Variants in CNTN6 observed in about 807,000 individuals in gnomAD.
CNTN6 encodes contactin 6, also known as contactin-6.
In CNTN6, 137 loss-of-function variants were observed where a neutral mutation model predicts 122.8. That is an observed-to-expected ratio of 1.12 (90% CI 0.97 to 1.29). The LOEUF is 1.29. Among genes scored for constraint, CNTN6 ranks in the 50% most tolerant of loss-of-function variants. CNTN6 has a pLI of 0.00. For missense variants in CNTN6, 1,634 were observed against 1,223.4 expected (o/e 1.34, Z -5.01); for synonymous variants, 570 against 426.0 (o/e 1.34, Z -4.16).
chr3:1,114,160 C>A (rs971549739), intron 1 of CNTN6, among the ~76,000 whole-genome samples: 1 of 152,106 alleles, frequency 6.6e-6, no homozygotes, highest in African/African-American at 2.4e-5. Flanking sequence ...CCATTATAAT[C>A]GCAGACTTTG....
intron 1 of CNTN6, among the ~76,000 whole-genome samples, chr3:1,134,794 G>T (rs2092430585): frequency 6.6e-6 from 1 of 152,070 alleles, no homozygotes; most frequent in Non-Finnish European, 1.5e-5. Flanking sequence ...TACAAAAGCA[G>T]GGTACTATTT....
At chr3:1,142,876 G>A (rs2092640024) in intron 1 of CNTN6, among the ~76,000 whole-genome samples, 3 of 150,964 alleles carry the variant, frequency 2.0e-5, no homozygotes. Context: ...AAATTTGTGT[G>A]TACAAATTTA....
At chr3:1,307,990 G>C (rs966565712) in intron 7 of CNTN6, among the ~76,000 whole-genome samples, 1 of 152,098 alleles carries the variant, frequency 6.6e-6, no homozygotes, top group Non-Finnish European at 1.5e-5. Flanking sequence ...CTTTGGAAAT[G>C]GGTGACTATG....
intron 19 of CNTN6, 103 bp from the exon 20 acceptor site, chr3:1,385,508 T>C: frequency 4.7e-6 from 4 of 845,054 alleles, no homozygotes; most frequent in Non-Finnish European, 7.2e-6. Flanking sequence ...TACTTCTGTC[T>C]TCTTCCCATA....
chr3:1,382,810 T>G (rs574529507), intron 17 of CNTN6, 132 bp from the exon 18 acceptor site: 1 of 629,966 alleles, frequency 1.6e-6, no homozygotes. Context: ...AAGTGTTTTT[T>G]AATACATCAT....
At chr3:1,315,810 A>T (rs1271624815) in intron 7 of CNTN6, among the ~76,000 whole-genome samples, 3 of 151,910 alleles carry the variant, frequency 2.0e-5, no homozygotes, top group African/African-American at 7.2e-5. Context: ...ACTATGATCA[A>T]GGTTGTATCT....
chr3:1,201,604 T>A (rs1466861547), intron 2 of CNTN6, among the ~76,000 whole-genome samples: 1 of 152,118 alleles, frequency 6.6e-6, no homozygotes, highest in Non-Finnish European at 1.5e-5. Flanking sequence ...CAACATCAAT[T>A]CCCTTATATC....
intron 5 of CNTN6, among the ~76,000 whole-genome samples, chr3:1,294,276 GA>G (rs1423796751): frequency 1.3e-5 from 2 of 152,134 alleles, no homozygotes; most frequent in African/African-American, 2.4e-5. Flanking sequence ...TATAATGGAA[GA>G]AAGGGCTTAT....
At chr3:1,265,820 C>CA (rs940752626) in intron 4 of CNTN6, among the ~76,000 whole-genome samples, 12 of 152,066 alleles carry the variant, frequency 7.9e-5, no homozygotes, top group African/African-American at 2.7e-4. Context: ...GCCTGAAACA[C>CA]AAAAAACCTT....
chr3:1,126,241 C>T lies in CNTN6; in HGVS notation c.-82-21686C>T, dbSNP rs373235079. Among the ~76,000 whole-genome samples, 3 of 151,938 alleles carry T rather than the reference C, an allele frequency of 2.0e-5. No individual in the cohort carries two copies. In the South Asian group the frequency reaches 6.2e-4, roughly 32 times the overall value. On this transcript the variant is annotated intron_variant, in intron 1 of 22. Coordinates refer to ENST00000446702, the MANE Select transcript of CNTN6 (RefSeq NM_001289080.2). ...TGGAAAGGTATACCGAAAGTTGAATCAGTATGTGATTTTCAAAAACATGTA... is the reference window on the plus strand; with the variant it reads ...TGGAAAGGTATACCGAAAGTTGAATTAGTATGTGATTTTCAAAAACATGTA...
chr3:1,392,137 A>G (rs1189033836), intron 20 of CNTN6, among the ~76,000 whole-genome samples: 1 of 152,242 alleles, frequency 6.6e-6, no homozygotes, highest in African/African-American at 2.4e-5. Flanking sequence ...GAGGCATCAC[A>G]CTACCTGACT....
At chr3:1,354,132 G>T (rs151104065) in intron 12 of CNTN6, among the ~76,000 whole-genome samples, 1 of 151,342 alleles carries the variant, frequency 6.6e-6, no homozygotes, top group Non-Finnish European at 1.5e-5. Context: ...AAAAGGTGAC[G>T]GCTAACAAAA....
At chr3:1,380,180 C>T (rs1047886603) in intron 17 of CNTN6, among the ~76,000 whole-genome samples, 4 of 152,074 alleles carry the variant, frequency 2.6e-5, no homozygotes, top group African/African-American at 4.8e-5. Flanking sequence ...AAAGGCACTG[C>T]GCGACACAAG....
intron 2 of CNTN6, among the ~76,000 whole-genome samples, chr3:1,173,874 C>T (rs116289204): frequency 3.3e-5 from 5 of 151,932 alleles, no homozygotes; most frequent in African/African-American, 9.7e-5. Flanking sequence ...ATGTACCTCT[C>T]GAGACTTCTG....
At chr3:1,327,205 A>G (rs1235537087) in intron 9 of CNTN6, among the ~76,000 whole-genome samples, 1 of 151,860 alleles carries the variant, frequency 6.6e-6, no homozygotes. Context: ...GAAAGTTAAC[A>G]TACATTTTGT....
intron 4 of CNTN6, among the ~76,000 whole-genome samples, chr3:1,248,491 A>T (rs985430679): frequency 2.6e-5 from 4 of 152,202 alleles, no homozygotes; most frequent in African/African-American, 9.6e-5. Flanking sequence ...AATTTTATAT[A>T]TAAGGAAAAT....
chr3:1,132,335 T>G (rs1224640797), intron 1 of CNTN6, among the ~76,000 whole-genome samples: 3 of 152,138 alleles, frequency 2.0e-5, no homozygotes, highest in Non-Finnish European at 4.4e-5. Flanking sequence ...GGACTTTACG[T>G]GCAGATTACA....
intron 5 of CNTN6, among the ~76,000 whole-genome samples, chr3:1,289,891 G>A (rs1380351676): frequency 1.3e-5 from 2 of 152,098 alleles, no homozygotes; most frequent in Admixed American, 6.5e-5. Context: ...AGCCAGGATG[G>A]TCTCGATCTC....
rs1195012001 is a variant in CNTN6, at chr3:1,310,558, T to A, written c.762-11092T>A. 2.6e-5 allele frequency among the ~76,000 whole-genome samples: 4 copies of A among 152,354 alleles called. No individual in the cohort carries two copies. The East Asian group carries it at 7.7e-4, about 29-fold the overall frequency. On this transcript the variant is annotated intron_variant, in intron 7 of 22. Coordinates refer to ENST00000446702, the MANE Select transcript of CNTN6 (RefSeq NM_001289080.2). The stretch of plus-strand genomic sequence containing the variant: ...TTTTTCCATTTGTATTAATGAAAGA[T>A]ACTGGTCTGCAGTTTTACTTTCTTG...
Sources: gnomAD v4.1 joint callset for allele counts (sites outside exome capture counted in the v4.1 genomes callset) on GRCh38, gnomAD v4.1.1 for gene constraint, MANE v1.5 for transcripts, NCBI Gene and HGNC (gene_info 2026-07-23, HGNC 2026-07-21) for gene names.